Variants in HEMK2 observed in about 807,000 individuals in gnomAD.
HEMK2 encodes the protein methyltransferase HEMK2.
chr21:28,857,285 T>G, the HEMK2 span, among the ~76,000 whole-genome samples: 1 of 149,096 alleles, frequency 6.7e-6, no homozygotes, highest in Non-Finnish European at 1.5e-5. Context: ...CTACAAAATT[T>G]CTACCTTAAA....
chr21:28,770,076 C>G, the HEMK2 span, among the ~76,000 whole-genome samples: 1 of 152,252 alleles, frequency 6.6e-6, no homozygotes, highest in Non-Finnish European at 1.5e-5. Flanking sequence ...AATGCACCAT[C>G]AATAAATGAT....
chr21:28,679,246 T>C, the HEMK2 span, among the ~76,000 whole-genome samples: 757 of 152,294 alleles, frequency 5.0e-3, 6 homozygotes, highest in African/African-American at 0.017. Flanking sequence ...GTTGCAATCC[T>C]AGTCTCAGAT....
chr21:28,676,788 C>T, the HEMK2 span, among the ~76,000 whole-genome samples: 1 of 152,166 alleles, frequency 6.6e-6, no homozygotes, highest in Non-Finnish European at 1.5e-5. Context: ...ATTATTCTCA[C>T]CCTTCAAATT....
the HEMK2 span, among the ~76,000 whole-genome samples, chr21:28,824,217 G>A: frequency 1.3e-5 from 2 of 152,154 alleles, no homozygotes; most frequent in Non-Finnish European, 2.9e-5. Flanking sequence ...TGTTGCTGCT[G>A]TTGTTGTTGT....
chr21:28,691,453 T>G, the HEMK2 span, among the ~76,000 whole-genome samples: 4 of 152,184 alleles, frequency 2.6e-5, no homozygotes, highest in African/African-American at 9.7e-5. Flanking sequence ...GGCCAGTGAG[T>G]TGGCCTCTTC....
the HEMK2 span, among the ~76,000 whole-genome samples, chr21:28,613,368 T>C: frequency 3.1e-4 from 47 of 152,110 alleles, no homozygotes; most frequent in Non-Finnish European, 6.2e-4. Flanking sequence ...TGACTGTACA[T>C]AGCTTGCACT....
At chr21:28,579,891 C>A in the HEMK2 span, among the ~76,000 whole-genome samples, 2 of 152,128 alleles carry the variant, frequency 1.3e-5, no homozygotes, top group African/African-American at 2.4e-5. Flanking sequence ...GCTTAATTCC[C>A]AAGTTCTCCT....
chr21:28,717,245 G>C, the HEMK2 span, among the ~76,000 whole-genome samples: 2 of 152,040 alleles, frequency 1.3e-5, no homozygotes, highest in Non-Finnish European at 2.9e-5. Context: ...ATCAGGTCGA[G>C]GGTTTTTTAA....
At chr21:28,699,626 T>C in the HEMK2 span, among the ~76,000 whole-genome samples, 1 of 152,182 alleles carries the variant, frequency 6.6e-6, no homozygotes, top group East Asian at 1.9e-4. Flanking sequence ...GATTTAAGAT[T>C]TTATCAAATT....
the HEMK2 span, among the ~76,000 whole-genome samples, chr21:28,810,652 G>A: frequency 5.3e-5 from 8 of 152,228 alleles, no homozygotes; most frequent in South Asian, 2.1e-4. Flanking sequence ...GGACTTAGAC[G>A]GGCAAGGATA....
chr21:28,676,269 G>C, the HEMK2 span, among the ~76,000 whole-genome samples: 26 of 152,294 alleles, frequency 1.7e-4, no homozygotes, highest in Admixed American at 1.6e-3. Context: ...TTAGCTGGTA[G>C]ATTCCTGTGT....
the HEMK2 span, among the ~76,000 whole-genome samples, chr21:28,615,432 C>T: frequency 6.6e-6 from 1 of 151,444 alleles, no homozygotes; most frequent in East Asian, 1.9e-4. Flanking sequence ...CCCACAAACC[C>T]CCACCTCCGA....
At chr21:28,831,476 AAAGAAAGAAAGAAAGAAAGAAAG>A in the HEMK2 span, among the ~76,000 whole-genome samples, 3 of 41,390 alleles carry the variant, frequency 7.2e-5, no homozygotes, top group African/African-American at 4.2e-4. Context: ...AGAAAGAAAG[AAAGAAAGAAAGAAAGAAAGAAAG>A]AAAGAAAGAA....
chr21:28,788,705 CA>C, the HEMK2 span, among the ~76,000 whole-genome samples: 28,430 of 126,322 alleles, frequency 0.23, 2,794 homozygotes, highest in East Asian at 0.41. Context: ...TTAGGTACTC[CA>C]AAAAAAAAAA....
the HEMK2 span, among the ~76,000 whole-genome samples, chr21:28,625,419 A>G: frequency 6.6e-6 from 1 of 152,324 alleles, no homozygotes; most frequent in African/African-American, 2.4e-5. Context: ...TTTGCTTATG[A>G]GAAAACTAAA....
At chr21:28,580,316 G>A in the HEMK2 span, among the ~76,000 whole-genome samples, 432 of 152,248 alleles carry the variant, frequency 2.8e-3, 2 homozygotes, top group African/African-American at 9.9e-3. Flanking sequence ...GGCCCAGAGA[G>A]TTGGGCAAGG....
At chr21:28,603,549 A>ATATGTGTG in the HEMK2 span, among the ~76,000 whole-genome samples, 17 of 135,820 alleles carry the variant, frequency 1.3e-4, no homozygotes, top group African/African-American at 4.1e-4. Flanking sequence ...GAGGATATAT[A>ATATGTGTG]TGTGTGTGTG....
the HEMK2 span, among the ~76,000 whole-genome samples, chr21:28,786,667 C>CA: frequency 0.04 from 3,661 of 91,864 alleles, 67 homozygotes; most frequent in Middle Eastern, 0.083. Context: ...GTGAGACTGT[C>CA]AAAAAAAAAA....
the HEMK2 span, among the ~76,000 whole-genome samples, chr21:28,838,362 G>C: frequency 6.6e-6 from 1 of 151,642 alleles, no homozygotes; most frequent in African/African-American, 2.4e-5. Context: ...GTGAAACCCC[G>C]TCTCTACTAA....
Sources: gnomAD v4.1 joint callset for allele counts (sites outside exome capture counted in the v4.1 genomes callset) on GRCh38, gnomAD v4.1.1 for gene constraint, MANE v1.5 for transcripts, NCBI Gene and HGNC (gene_info 2026-07-23, HGNC 2026-07-21) for gene names.